MED27: variants seen among roughly 807,000 people sequenced by gnomAD.
MED27 encodes mediator of RNA polymerase II transcription subunit 27.
MED27 carries 30 observed loss-of-function variants against 38.2 expected under a neutral mutation model. The observed-to-expected ratio is 0.79, with a 90% CI of 0.59 to 1.07. MED27 has a LOEUF of 1.07. Ranked by LOEUF, MED27 falls within the 50% of genes least tolerant of loss-of-function variation. The pLI is 0.00. For synonymous variants in MED27, 122 were observed against 153.5 expected, an observed-to-expected ratio of 0.79 and a Z score of 1.52; for missense variants, 289 against 397.5, an observed-to-expected ratio of 0.73 and a Z score of 2.32.
chr9:132,023,239 C>T (rs1429965969), intron 2 of MED27, among the ~76,000 whole-genome samples: 1 of 152,170 alleles, frequency 6.6e-6, no homozygotes, highest in Admixed American at 6.5e-5. Flanking sequence ...TTCAACTAAG[C>T]CATGAGTACA....
At chr9:131,962,540 GTGA>G (rs1407920016) in intron 3 of MED27, among the ~76,000 whole-genome samples, 1 of 108,768 alleles carries the variant, frequency 9.2e-6, no homozygotes, top group Non-Finnish European at 1.8e-5. Flanking sequence ...TGCCTGGCGT[GTGA>G]TTTTTTTTTT....
intron 2 of MED27, among the ~76,000 whole-genome samples, chr9:132,050,460 AC>A (rs1461865122): frequency 6.6e-6 from 1 of 152,148 alleles, no homozygotes; most frequent in East Asian, 1.9e-4. Context: ...GCAATTAACA[AC>A]CTGATTTTGG....
At chr9:132,068,381 G>T (rs1664263723) in intron 2 of MED27, among the ~76,000 whole-genome samples, 1 of 152,040 alleles carries the variant, frequency 6.6e-6, no homozygotes, top group South Asian at 2.1e-4. Context: ...TGAGAGAGAG[G>T]GAGGAAATCA....
In MED27 at chr9:131,883,167, A is replaced by C. The variant is rs918227741; in HGVS notation, c.723+891T>G. On this transcript the variant is annotated intron_variant, in intron 6 of 7. Coordinates refer to ENST00000292035, the MANE Select transcript of MED27 (RefSeq NM_004269.4). The surrounding 1 kb of genome is among the most constrained non-coding windows in gnomAD (Gnocchi z 4.2). Reference sequence around the variant, plus strand: ...GGTGATCTGCCTACCTTGGCCTCCCAAAGTGCTGGGGAGTGGACACCTGTT... The same window carrying C: ...GGTGATCTGCCTACCTTGGCCTCCCCAAGTGCTGGGGAGTGGACACCTGTT... 6.6e-6 allele frequency among the ~76,000 whole-genome samples: 1 copy of C among 152,170 alleles called. No homozygotes were observed. The highest frequency in any genetic ancestry group is 2.4e-5 in the African/African-American group (1 of 41,428).
At chr9:131,925,365 G>T (rs1054527077) in intron 4 of MED27, among the ~76,000 whole-genome samples, 1 of 152,126 alleles carries the variant, frequency 6.6e-6, no homozygotes, top group Non-Finnish European at 1.5e-5. Context: ...TTCCCCTCAA[G>T]CATTTATATT....
At chr9:131,930,128 G>A (rs1830558043) in intron 4 of MED27, among the ~76,000 whole-genome samples, 1 of 152,152 alleles carries the variant, frequency 6.6e-6, no homozygotes. Context: ...GCGTTAAAGG[G>A]CAAATCTAAG....
intron 2 of MED27, chr9:132,032,124 A>G (rs1297374041): frequency 6.6e-6 from 1 of 152,202 alleles, no homozygotes; most frequent in African/African-American, 2.4e-5. Context: ...GAGCCTGGGC[A>G]CGGGGGACGG....
At chr9:132,067,434 A>G (rs1035489471) in intron 2 of MED27, among the ~76,000 whole-genome samples, 1 of 152,218 alleles carries the variant, frequency 6.6e-6, no homozygotes, top group African/African-American at 2.4e-5. Flanking sequence ...CTGAATGACT[A>G]AGAGTTTTCC....
At chr9:131,892,885 G>A (rs999686988) in intron 5 of MED27, among the ~76,000 whole-genome samples, 2 of 152,226 alleles carry the variant, frequency 1.3e-5, no homozygotes, top group Admixed American at 1.3e-4. Flanking sequence ...TATCAACGAG[G>A]AAATTTACGA....
At chr9:131,974,682 A>G (rs1371846645) in intron 3 of MED27, among the ~76,000 whole-genome samples, 1 of 152,190 alleles carries the variant, frequency 6.6e-6, no homozygotes, top group African/African-American at 2.4e-5. Flanking sequence ...TCCTTTGTTC[A>G]TTTGCCTGAA....
rs1838859095 is a variant in MED27 at position 131,872,676 on chromosome 9, G to A, written c.724-9536C>T. ...CGTGGGGAGGCTGGGGTGGGGCTGGGTGATTCTGCAGGCCCCTCTAGGTCT... is the reference window on the plus strand; with the variant it reads ...CGTGGGGAGGCTGGGGTGGGGCTGGATGATTCTGCAGGCCCCTCTAGGTCT... On this transcript the variant is annotated intron_variant, in intron 6 of 7. Transcript: ENST00000292035. The surrounding 1 kb of genome is among the most constrained non-coding windows in gnomAD (Gnocchi z 5.6). Among the ~76,000 whole-genome samples, 1 of 151,284 alleles carries A rather than the reference G, an allele frequency of 6.6e-6. No individual in the cohort carries two copies. Among genetic ancestry groups the A allele is most frequent in the Non-Finnish European group, 1.5e-5 (1 of 68,030 alleles).
chr9:131,911,423 T>C (rs1311185134), intron 4 of MED27, among the ~76,000 whole-genome samples: 1 of 152,200 alleles, frequency 6.6e-6, no homozygotes, highest in South Asian at 2.1e-4. Flanking sequence ...GGTTCCATGG[T>C]AGCAGACATC....
At chr9:131,969,151 A>C (rs1020629898) in intron 3 of MED27, among the ~76,000 whole-genome samples, 6 of 152,264 alleles carry the variant, frequency 3.9e-5, no homozygotes, top group Non-Finnish European at 7.4e-5. Context: ...ACGTGCTTGA[A>C]TCATCCTGAA....
intron 3 of MED27, among the ~76,000 whole-genome samples, chr9:131,963,948 G>A (rs1831278020): frequency 1.3e-5 from 2 of 152,052 alleles, no homozygotes; most frequent in East Asian, 1.9e-4. Context: ...TCTTGACTGC[G>A]TTCCAATTTA....
At chr9:132,019,452 T>G (rs1479916953) in intron 2 of MED27, among the ~76,000 whole-genome samples, 1 of 152,132 alleles carries the variant, frequency 6.6e-6, no homozygotes, top group African/African-American at 2.4e-5. Flanking sequence ...AGAAGAAACC[T>G]TTTTTCCTCT....
At chr9:132,037,327 G>A (rs1478404598) in intron 2 of MED27, among the ~76,000 whole-genome samples, 2 of 152,152 alleles carry the variant, frequency 1.3e-5, no homozygotes, top group Non-Finnish European at 2.9e-5. Context: ...CTGATTTAAT[G>A]CTCCCTATCA....
chr9:131,908,536 A>G (rs1830124912), intron 4 of MED27, among the ~76,000 whole-genome samples: 1 of 152,220 alleles, frequency 6.6e-6, no homozygotes, highest in African/African-American at 2.4e-5. Context: ...GTACTAAGAA[A>G]AATTCTTCTG....
intron 6 of MED27, among the ~76,000 whole-genome samples, chr9:131,864,655 C>A (rs1355180412): frequency 1.3e-5 from 2 of 152,260 alleles, no homozygotes; most frequent in Non-Finnish European, 2.9e-5. Context: ...GCAAGCTGGG[C>A]AGGTGGAGAC....
In MED27 at chr9:131,877,891, A is replaced by G. The variant is rs150205409; in HGVS notation, c.723+6167T>C. Among the ~76,000 whole-genome samples, 20 of 152,322 alleles carry G rather than the reference A, an allele frequency of 1.3e-4. No individual in the cohort carries two copies. In the East Asian group the frequency reaches 3.9e-3, roughly 29 times the overall value. On this transcript the variant is annotated intron_variant, in intron 6 of 7. Coordinates refer to ENST00000292035, the MANE Select transcript of MED27 (RefSeq NM_004269.4). Reference sequence around the variant, plus strand: ...GAACTGAGTCTTCTAGGGCTGACTCAATCTCTTTTACTGAAAAGCACCTGG... The same window carrying G: ...GAACTGAGTCTTCTAGGGCTGACTCGATCTCTTTTACTGAAAAGCACCTGG...
Sources: gnomAD v4.1 joint callset for allele counts (sites outside exome capture counted in the v4.1 genomes callset) on GRCh38, gnomAD v4.1.1 for gene constraint, Gnocchi (gnomAD v3.1) non-coding constraint, MANE v1.5 for transcripts, NCBI Gene and HGNC (gene_info 2026-07-23, HGNC 2026-07-21) for gene names.